NCOA7: variants seen among roughly 807,000 people sequenced by gnomAD.
NCOA7 encodes the protein nuclear receptor coactivator 7, also known as 140 kDa estrogen receptor-associated protein.
NCOA7 carries 45 observed loss-of-function variants against 104.3 expected under a neutral mutation model. The ratio of observed to expected loss-of-function variants is 0.43; its 90% CI spans 0.34 to 0.55. The LOEUF (loss-of-function observed/expected upper bound fraction) is 0.55. NCOA7 is among the 20% of genes least tolerant of loss of function. The pLI is 0.02. For synonymous variants in NCOA7, 398 were observed against 402.3 expected, an observed-to-expected ratio of 0.99 and a Z score of 0.13; for missense variants, 1,041 against 1,119.7, an observed-to-expected ratio of 0.93 and a Z score of 1.00.
chr6:125,882,375 T>A, intron 6 of NCOA7, 51 bp from the exon 7 acceptor site: 1 of 1,591,506 alleles, frequency 6.3e-7, no homozygotes, highest in Non-Finnish European at 8.6e-7. Flanking sequence ...ATACACATAA[T>A]TTGTTTGAAA....
chr6:125,891,151 C>T (rs552199009), intron 10 of NCOA7, among the ~76,000 whole-genome samples: 4 of 152,280 alleles, frequency 2.6e-5, no homozygotes, highest in African/African-American at 9.6e-5. Flanking sequence ...CAGATCCAAA[C>T]ACCTCTTAAG....
intron 1 of NCOA7, among the ~76,000 whole-genome samples, chr6:125,798,318 T>C (rs1007401284): frequency 1.3e-5 from 2 of 152,216 alleles, no homozygotes; most frequent in African/African-American, 4.8e-5. Context: ...TCTGTGCAGT[T>C]AGGAAGTTAT....
rs1417256127 is a variant in NCOA7, at chr6:125,928,577, T to C, written c.2694-59T>C. On this transcript the variant is annotated intron_variant, in intron 15 of 15. Transcript: ENST00000392477. ...GAAAGAAGATGGGGGCAAGAGAGAA[T>C]AGTGTGTCATGTAACATAGAAGTGT... 14 of 1,546,972 alleles carry C rather than the reference T, an allele frequency of 9.0e-6. No homozygotes were observed. The South Asian group carries it at 9.9e-5, about 11-fold the overall frequency.
At chr6:125,904,558 G>C (rs1762428552) in intron 10 of NCOA7, among the ~76,000 whole-genome samples, 1 of 152,078 alleles carries the variant, frequency 6.6e-6, no homozygotes, top group African/African-American at 2.4e-5. Context: ...TACTGTAATG[G>C]ACTCTTCTGC....
At chr6:125,819,707 CAT>C (rs952826660) in intron 2 of NCOA7, among the ~76,000 whole-genome samples, 1 of 152,162 alleles carries the variant, frequency 6.6e-6, no homozygotes. Context: ...GGGTGACTAT[CAT>C]GTGTCATTTG....
chr6:125,820,573 C>T (rs550963460), intron 2 of NCOA7, among the ~76,000 whole-genome samples: 4 of 151,936 alleles, frequency 2.6e-5, no homozygotes, highest in East Asian at 3.9e-4. Context: ...TTGTAGCTTT[C>T]GTGTTCAAGT....
Position 125,855,206 on chromosome 6 carries a change from C to G in NCOA7, c.237C>G (p.Ile79Met). Residue 79 changes from isoleucine to methionine, a missense_variant, in exon 3 of 16, where the codon ATC (isoleucine) becomes ATG (methionine). Physicochemically the swap from Ile to Met is conservative, Grantham distance 10. Around this residue, in one of 2 missense-constraint regions of NCOA7, gnomAD observed 914 missense variants for 942.7 expected, o/e 0.97. Coordinates refer to ENST00000392477, the MANE Select transcript of NCOA7 (RefSeq NM_181782.5). ...GAAAAAGTAATCAGTTAAAGGAGATCAGGCGTACAGAACTAAAGAGATATT... is the reference window on the plus strand; with the variant it reads ...GAAAAAGTAATCAGTTAAAGGAGATGAGGCGTACAGAACTAAAGAGATATT... The part of the protein sequence containing the change: ...KKRKSNQLKE[I>M]RRTELKRYYS... 6.2e-7 allele frequency: 1 copy of G among 1,612,034 alleles called. No homozygotes were observed. Among genetic ancestry groups the G allele is most frequent in the Non-Finnish European group, 8.5e-7 (1 of 1,179,552 alleles).
intron 3 of NCOA7, among the ~76,000 whole-genome samples, chr6:125,864,928 T>C (rs1166231879): frequency 7.2e-6 from 1 of 138,152 alleles, no homozygotes; most frequent in Non-Finnish European, 1.5e-5. Context: ...GATCCATTTA[T>C]GAAAAGAAAA....
chr6:125,859,977 G>A (rs1363186209), intron 3 of NCOA7, among the ~76,000 whole-genome samples: 2 of 152,074 alleles, frequency 1.3e-5, no homozygotes, highest in Non-Finnish European at 1.5e-5. Context: ...TTTTGAGAGG[G>A]AAGTAGGAGA....
At chr6:125,820,675 C>T (rs1202045383) in intron 2 of NCOA7, among the ~76,000 whole-genome samples, 3 of 152,038 alleles carry the variant, frequency 2.0e-5, no homozygotes, top group Non-Finnish European at 1.5e-5. Context: ...AATAACAAAT[C>T]ATTCCTGATC....
chr6:125,791,383 T>C (rs1411188573), intron 1 of NCOA7, among the ~76,000 whole-genome samples: 1 of 152,194 alleles, frequency 6.6e-6, no homozygotes, highest in Non-Finnish European at 1.5e-5. Flanking sequence ...GAGAAGACCG[T>C]TGGATTTTCA....
chr6:125,837,225 C>A (rs562801395), intron 2 of NCOA7, among the ~76,000 whole-genome samples: 1 of 152,074 alleles, frequency 6.6e-6, no homozygotes, highest in African/African-American at 2.4e-5. Flanking sequence ...TCATCTTTCC[C>A]GGATTGAAGT....
At chr6:125,792,601 A>AT (rs1491462163) in intron 1 of NCOA7, among the ~76,000 whole-genome samples, 84 of 152,326 alleles carry the variant, frequency 5.5e-4, no homozygotes, top group African/African-American at 2.0e-3. Context: ...GAAATAAAAC[A>AT]TGTAGAAGTG....
intron 1 of NCOA7, among the ~76,000 whole-genome samples, chr6:125,812,783 T>A (rs1219588122): frequency 1.3e-5 from 2 of 152,200 alleles, no homozygotes; most frequent in African/African-American, 4.8e-5. Context: ...GCCCTTTTCA[T>A]GTATATTGTA....
At position 125,918,270 on chromosome 6, in the gene NCOA7, T is replaced by C. The variant is rs550880026; in HGVS notation, c.2245-2673T>C. Among the ~76,000 whole-genome samples, 9 of 152,304 alleles carry C rather than the reference T, an allele frequency of 5.9e-5. No individual in the cohort carries two copies. In the East Asian group the frequency reaches 1.7e-3, roughly 29 times the overall value. On this transcript the variant is annotated intron_variant, in intron 11 of 15. Transcript: ENST00000392477. ...GTGAGCAGCTTTATGTCTCTGTGCC[T>C]GGCAAAGCACCTGGCACCCACCATC...
chr6:125,859,610 A>G (rs1292081509), intron 3 of NCOA7, among the ~76,000 whole-genome samples: 1 of 152,222 alleles, frequency 6.6e-6, no homozygotes, highest in African/African-American at 2.4e-5. Flanking sequence ...ATTAATAATC[A>G]GAAAATAGAG....
intron 1 of NCOA7, among the ~76,000 whole-genome samples, chr6:125,781,644 C>T (rs1774232318): frequency 6.6e-6 from 1 of 152,146 alleles, no homozygotes; most frequent in African/African-American, 2.4e-5. Flanking sequence ...TAGACCTCAG[C>T]ATTAGACCAT....
At chr6:125,896,722 G>A (rs761090489) in intron 10 of NCOA7, among the ~76,000 whole-genome samples, 1 of 152,202 alleles carries the variant, frequency 6.6e-6, no homozygotes, top group Non-Finnish European at 1.5e-5. Context: ...AGCCCGAGAT[G>A]CTGAGGCTGC....
chr6:125,881,352 G>A, intron 6 of NCOA7, 149 bp downstream of exon 6: 1 of 680,608 alleles, frequency 1.5e-6, no homozygotes, highest in Non-Finnish European at 2.5e-6. Flanking sequence ...CTCTCCAAGG[G>A]AAACTTATTC....
Sources: gnomAD v4.1 joint callset for allele counts (sites outside exome capture counted in the v4.1 genomes callset) on GRCh38, gnomAD v4.1.1 for gene constraint, gnomAD v4.1.1 regional missense constraint, MANE v1.5 for transcripts, NCBI Gene and HGNC (gene_info 2026-07-23, HGNC 2026-07-21) for gene names.